RGS6: variants seen among roughly 807,000 people sequenced by gnomAD.
The protein encoded by RGS6 is regulator of G protein signaling 6, also known as regulator of G-protein signaling 6.
RGS6 carries 30 observed loss-of-function variants against 78.5 expected under a neutral mutation model. The observed-to-expected ratio is 0.38, with a 90% CI of 0.29 to 0.52. The LOEUF is 0.52. Ranked by LOEUF, RGS6 falls within the 20% of genes least tolerant of loss-of-function variation. The pLI, the probability that RGS6 is intolerant of heterozygous loss-of-function variation, is 0.85. For synonymous variants in RGS6, 206 were observed against 206.0 expected, an observed-to-expected ratio of 1.00 and a Z score of 0.00; for missense variants, 495 against 609.7, an observed-to-expected ratio of 0.81 and a Z score of 1.98.
At chr14:72,152,746 G>T (rs1598449646) in intron 2 of RGS6, among the ~76,000 whole-genome samples, 1 of 152,148 alleles carries the variant, frequency 6.6e-6, no homozygotes, top group Admixed American at 6.5e-5. Context: ...TGGCACTTCA[G>T]GGGAGGGAAC....
intron 2 of RGS6, among the ~76,000 whole-genome samples, chr14:72,307,504 A>G (rs1595602016): frequency 6.6e-6 from 1 of 152,206 alleles, no homozygotes; most frequent in Non-Finnish European, 1.5e-5. Context: ...TTGTTTTTAC[A>G]GTTGATTATT....
intron 2 of RGS6, among the ~76,000 whole-genome samples, chr14:72,086,223 T>C (rs989191638): frequency 4.6e-5 from 7 of 152,244 alleles, no homozygotes; most frequent in African/African-American, 7.2e-5. Flanking sequence ...TGATGGGAGA[T>C]GAAGTCGTTT....
At chr14:72,533,277 C>G (rs1348842522) in intron 15 of RGS6, among the ~76,000 whole-genome samples, 1 of 152,206 alleles carries the variant, frequency 6.6e-6, no homozygotes, top group Non-Finnish European at 1.5e-5. Flanking sequence ...GCATGGTTTA[C>G]TGAATACTTT....
At chr14:72,391,733 T>C (rs1036378626) in intron 3 of RGS6, among the ~76,000 whole-genome samples, 2 of 152,196 alleles carry the variant, frequency 1.3e-5, no homozygotes, top group Non-Finnish European at 2.9e-5. Flanking sequence ...TTTCTCTTAA[T>C]ACTATCTCTC....
the RGS6 span, among the ~76,000 whole-genome samples, chr14:72,593,508 C>T: frequency 1.3e-5 from 2 of 152,308 alleles, no homozygotes; most frequent in African/African-American, 4.8e-5. Flanking sequence ...CCTCAGCCTC[C>T]TGAGTAGCTG....
intron 2 of RGS6, among the ~76,000 whole-genome samples, chr14:72,068,322 A>C (rs1009514335): frequency 6.6e-6 from 1 of 151,608 alleles, no homozygotes; most frequent in African/African-American, 2.4e-5. Flanking sequence ...TTTTGCAGAG[A>C]GGGGGTTTTG....
intron 2 of RGS6, among the ~76,000 whole-genome samples, chr14:72,194,213 G>C (rs2039452069): frequency 6.7e-6 from 1 of 149,976 alleles, no homozygotes. Context: ...TGTGGGCTAG[G>C]AAAGAAAGCA....
the RGS6 span, among the ~76,000 whole-genome samples, chr14:71,920,348 T>C: frequency 1.3e-5 from 2 of 152,196 alleles, no homozygotes; most frequent in Admixed American, 6.5e-5. Context: ...AGAATAATCA[T>C]ATCACATATA....
At chr14:72,219,682 G>T (rs979066175) in intron 2 of RGS6, among the ~76,000 whole-genome samples, 8 of 151,766 alleles carry the variant, frequency 5.3e-5, no homozygotes, top group Non-Finnish European at 1.2e-4. Context: ...TTTGTTTTGG[G>T]TATCTTTGCT....
rs187474892 is a variant in RGS6, at chr14:72,396,499, G to A, written c.184+44305G>A. Among the ~76,000 whole-genome samples, 161 of 152,210 alleles carry A rather than the reference G, an allele frequency of 1.1e-3. 2 individuals are homozygous for A. The highest frequency in any genetic ancestry group is 3.6e-3 in the African/African-American group (151 of 41,520). On this transcript the variant is annotated intron_variant, in intron 3 of 17. Coordinates refer to ENST00000553525, the MANE Select transcript of RGS6 (RefSeq NM_001204424.2). The stretch of plus-strand genomic sequence containing the variant: ...TTTTCTTCCATTCTGTAGGTTGCCT[G>A]TTCACTCTGATGGTGGTTTCTTTTG...
intron 2 of RGS6, among the ~76,000 whole-genome samples, chr14:72,050,848 C>A (rs1202302414): frequency 6.6e-6 from 1 of 152,152 alleles, no homozygotes; most frequent in Admixed American, 6.5e-5. Context: ...GACTGCAGGA[C>A]TTGAGTATGC....
At chr14:72,516,845 C>T (rs2096951799) in intron 14 of RGS6, 1 of 152,268 alleles carries the variant, frequency 6.6e-6, no homozygotes, top group South Asian at 2.1e-4. Context: ...GCAGAGCCAG[C>T]TTCCTGATCT....
intron 2 of RGS6, among the ~76,000 whole-genome samples, chr14:72,200,768 GT>G (rs1349438537): frequency 3.9e-5 from 6 of 151,988 alleles, no homozygotes. Flanking sequence ...TTTCAATGTG[GT>G]CGACTTATTT....
chr14:72,213,820 G>T (rs1008413286), intron 2 of RGS6, among the ~76,000 whole-genome samples: 7 of 152,260 alleles, frequency 4.6e-5, no homozygotes, highest in African/African-American at 1.7e-4. Context: ...CTGTCCATTT[G>T]GCGTATTCTT....
chr14:71,876,000 G>T, the RGS6 span, among the ~76,000 whole-genome samples: 1 of 152,174 alleles, frequency 6.6e-6, no homozygotes, highest in Admixed American at 6.5e-5. Context: ...TTGCACTGTG[G>T]TCTGAGAGAC....
chr14:72,537,078 G>A (rs959001401), intron 16 of RGS6, among the ~76,000 whole-genome samples: 1 of 152,148 alleles, frequency 6.6e-6, no homozygotes, highest in Non-Finnish European at 1.5e-5. Context: ...AGGGCTCCTG[G>A]TTTCAGTACA....
At chr14:72,530,417 G>A (rs2097167846) in intron 15 of RGS6, among the ~76,000 whole-genome samples, 1 of 152,208 alleles carries the variant, frequency 6.6e-6, no homozygotes, top group Non-Finnish European at 1.5e-5. Flanking sequence ...GCTGGGTGTG[G>A]TGGCTCATGG....
intron 2 of RGS6, among the ~76,000 whole-genome samples, chr14:72,236,955 T>G (rs961976259): frequency 2.0e-5 from 3 of 152,222 alleles, no homozygotes; most frequent in Non-Finnish European, 4.4e-5. Context: ...TGCTAGTGCC[T>G]CTTTCCAGTC....
intron 2 of RGS6, among the ~76,000 whole-genome samples, chr14:71,973,122 G>A (rs545671406): frequency 1.8e-4 from 28 of 152,272 alleles, no homozygotes; most frequent in African/African-American, 6.5e-4. Flanking sequence ...TCTTTAATTT[G>A]TGAAGTAAGG....
Sources: allele counts gnomAD v4.1 joint callset (sites outside exome capture counted in the v4.1 genomes callset), GRCh38; gene constraint gnomAD v4.1.1; transcripts MANE v1.5; gene names NCBI Gene and HGNC (gene_info 2026-07-23, HGNC 2026-07-21).